CACNA1C: variants seen among roughly 807,000 people sequenced by gnomAD.
CACNA1C encodes the protein voltage-dependent L-type calcium channel subunit alpha-1C.
CACNA1C carries 30 observed loss-of-function variants against 229.0 expected under a neutral mutation model. The observed-to-expected ratio is 0.13, with a 90% CI of 0.10 to 0.18. CACNA1C has a LOEUF of 0.18. CACNA1C is among the 10% of genes least tolerant of loss of function. CACNA1C has a pLI of 1.00. For missense variants in CACNA1C, 1,658 were observed against 2,845.0 expected (o/e 0.58, Z 9.49); for synonymous variants, 1,114 against 1,132.5 (o/e 0.98, Z 0.33).
chr12:2,176,358 C>G (rs2096644006), intron 3 of CACNA1C, among the ~76,000 whole-genome samples: 1 of 152,124 alleles, frequency 6.6e-6, no homozygotes, highest in Non-Finnish European at 1.5e-5. Flanking sequence ...AAACCATTTT[C>G]AGGGCCTTGG....
At chr12:2,362,460 C>T (rs1402239991) in intron 3 of CACNA1C, among the ~76,000 whole-genome samples, 1 of 152,160 alleles carries the variant, frequency 6.6e-6, no homozygotes, top group South Asian at 2.1e-4. Context: ...GGAAGTCCTT[C>T]CTCCCCCATA....
chr12:2,554,634 T>C (rs1164786828), intron 10 of CACNA1C, among the ~76,000 whole-genome samples: 2 of 152,204 alleles, frequency 1.3e-5, no homozygotes, highest in East Asian at 3.9e-4. Context: ...CCCGGGCTCC[T>C]GGCTTGCGTC....
At chr12:2,396,684 C>T (rs1355425811) in intron 3 of CACNA1C, among the ~76,000 whole-genome samples, 1 of 152,258 alleles carries the variant, frequency 6.6e-6, no homozygotes, top group Non-Finnish European at 1.5e-5. Context: ...AGCCCCTGGC[C>T]TATGGCCACA....
At chr12:2,550,472 A>G in intron 10 of CACNA1C, 3 of 1,223,378 alleles carry the variant, frequency 2.5e-6, no homozygotes, top group Non-Finnish European at 3.2e-6. Context: ...GGAGAGAAGC[A>G]GCCAGGTGAG....
At chr12:2,520,837 G>A (rs1422432146) in intron 9 of CACNA1C, among the ~76,000 whole-genome samples, 1 of 152,132 alleles carries the variant, frequency 6.6e-6, no homozygotes, top group South Asian at 2.1e-4. Flanking sequence ...TCAGAGGAGG[G>A]AAGCCATGAC....
intron 1 of CACNA1C, among the ~76,000 whole-genome samples, chr12:2,110,537 C>A (rs1242508866): frequency 6.6e-6 from 1 of 152,202 alleles, no homozygotes; most frequent in Admixed American, 6.5e-5. Flanking sequence ...AAATTGATCT[C>A]TTTGCATTGG....
At chr12:2,560,871 A>AAG (rs1555789607) in intron 11 of CACNA1C, among the ~76,000 whole-genome samples, 1 of 148,108 alleles carries the variant, frequency 6.8e-6, no homozygotes, top group Non-Finnish European at 1.5e-5. Context: ...AAAAAAAAAA[A>AAG]GTGGAAACTT....
intron 42 of CACNA1C, chr12:2,682,155 C>G (rs1401618877): frequency 5.6e-6 from 4 of 708,842 alleles, no homozygotes; most frequent in Non-Finnish European, 9.7e-6. Context: ...TGCCAAATGC[C>G]AAAGACCCAG....
At chr12:2,188,013 AAG>A (rs1443178455) in intron 3 of CACNA1C, among the ~76,000 whole-genome samples, 2 of 152,190 alleles carry the variant, frequency 1.3e-5, no homozygotes, top group African/African-American at 2.4e-5. Context: ...CTTCTGTGAG[AAG>A]CAGACACCCA....
intron 5 of CACNA1C, among the ~76,000 whole-genome samples, chr12:2,482,400 C>T (rs1356973374): frequency 1.3e-5 from 2 of 152,226 alleles, no homozygotes; most frequent in Non-Finnish European, 2.9e-5. Flanking sequence ...GACCACCTGG[C>T]ACTGAGCCCT....
chr12:2,147,136 A>G (rs2094791882), intron 3 of CACNA1C, among the ~76,000 whole-genome samples: 1 of 151,360 alleles, frequency 6.6e-6, no homozygotes, highest in South Asian at 2.1e-4. Flanking sequence ...ATTTCTAGGG[A>G]AATTACAGCA....
In CACNA1C at chr12:2,570,667, T is replaced by A. The variant is rs566404673; in HGVS notation, c.1895+2873T>A. 8.0e-4 allele frequency among the ~76,000 whole-genome samples: 122 copies of A among 152,272 alleles called. 1 individual carries two copies. Among genetic ancestry groups the A allele is most frequent in the African/African-American group, 2.9e-3 (119 of 41,562 alleles). ...GCGTGAACTAAATCCAGGAGAAATGTATAGTCTGGTTGGGGAGATGGAGTT... is the reference window on the plus strand; with the variant it reads ...GCGTGAACTAAATCCAGGAGAAATGAATAGTCTGGTTGGGGAGATGGAGTT... On this transcript the variant is annotated intron_variant, in intron 13 of 46. Coordinates refer to ENST00000399655, the MANE Select transcript of CACNA1C (RefSeq NM_000719.7).
At chr12:2,120,503 G>A (rs1237397847) in intron 3 of CACNA1C, 73 bp downstream of exon 3, 2 of 868,204 alleles carry the variant, frequency 2.3e-6, no homozygotes, top group Non-Finnish European at 4.0e-6. Flanking sequence ...TAGATGCATG[G>A]AATGTGGGAG....
chr12:2,594,692 T>C (rs1377374911), intron 19 of CACNA1C, among the ~76,000 whole-genome samples: 1 of 152,252 alleles, frequency 6.6e-6, no homozygotes, highest in Non-Finnish European at 1.5e-5. Context: ...AAATCACTTA[T>C]CCAGTGTTTC....
intron 4 of CACNA1C, among the ~76,000 whole-genome samples, chr12:2,451,958 A>G (rs1051301926): frequency 1.3e-5 from 2 of 152,086 alleles, no homozygotes; most frequent in African/African-American, 2.4e-5. Flanking sequence ...ACAATCCCCC[A>G]TCGCTGCAGG....
At chr12:2,274,001 C>T (rs2086473669) in intron 3 of CACNA1C, among the ~76,000 whole-genome samples, 3 of 152,256 alleles carry the variant, frequency 2.0e-5, no homozygotes, top group Admixed American at 2.0e-4. Flanking sequence ...GCTTGTTCAC[C>T]TGCGTCCTGT....
chr12:2,335,454 T>C (rs1253039124), intron 3 of CACNA1C, among the ~76,000 whole-genome samples: 2 of 151,588 alleles, frequency 1.3e-5, no homozygotes, highest in Non-Finnish European at 2.9e-5. Flanking sequence ...AAAAAAACCT[T>C]AAACATAATG....
intron 7 of CACNA1C, among the ~76,000 whole-genome samples, chr12:2,501,696 G>A (rs1050216996): frequency 3.3e-5 from 5 of 152,166 alleles, no homozygotes; most frequent in South Asian, 2.1e-4. Context: ...GTATTGGCTC[G>A]GGTTTGTTTT....
chr12:2,272,669 G>C (rs1053745530), intron 3 of CACNA1C, among the ~76,000 whole-genome samples: 1 of 152,200 alleles, frequency 6.6e-6, no homozygotes, highest in Non-Finnish European at 1.5e-5. Flanking sequence ...TTGCTTTGTT[G>C]TTCTTCTCAC....
Sources: gnomAD v4.1 joint callset for allele counts (sites outside exome capture counted in the v4.1 genomes callset) on GRCh38, gnomAD v4.1.1 for gene constraint, MANE v1.5 for transcripts, NCBI Gene and HGNC (gene_info 2026-07-23, HGNC 2026-07-21) for gene names.